The following CREB5 variants were observed in gnomAD, a reference collection of about 807,000 sequenced individuals.
The protein encoded by CREB5 is cAMP responsive element binding protein 5.
Under a neutral mutation model 57.1 loss-of-function variants are expected in CREB5, and 19 were observed. The ratio of observed to expected loss-of-function variants is 0.33; its 90% CI spans 0.23 to 0.49. The LOEUF is 0.49. CREB5 is among the 20% of genes least tolerant of loss of function. The pLI is 0.99. For synonymous variants in CREB5, 238 were observed against 238.3 expected (o/e 1.00, Z 0.01); for missense variants, 579 against 671.6 (o/e 0.86, Z 1.52).
intron 5 of CREB5, among the ~76,000 whole-genome samples, chr7:28,718,209 G>C (rs1300608039): frequency 6.6e-6 from 1 of 152,152 alleles, no homozygotes; most frequent in East Asian, 1.9e-4. Context: ...CGGCTTCTTT[G>C]GTTTGTTTTT....
chr7:28,346,244 G>C (rs1040815901), intron 1 of CREB5, among the ~76,000 whole-genome samples: 2 of 152,352 alleles, frequency 1.3e-5, no homozygotes, highest in Middle Eastern at 3.4e-3. Context: ...ATAAACAACA[G>C]ACATTTATTT....
intron 7 of CREB5, among the ~76,000 whole-genome samples, chr7:28,724,951 A>G (rs961106514): frequency 6.6e-6 from 1 of 152,242 alleles, no homozygotes; most frequent in Non-Finnish European, 1.5e-5. Flanking sequence ...ATATTCTACC[A>G]AATATTAGCA....
rs539573969 is a variant in CREB5 at position 28,512,387 on chromosome 7, G to A, written c.291+4650G>A. Among the ~76,000 whole-genome samples the A allele has an allele frequency of 1.1e-4, 16 of 152,290 alleles. No individual in the cohort carries two copies. In the South Asian group the frequency reaches 2.1e-3, roughly 20 times the overall value. On this transcript the variant is annotated intron_variant, in intron 4 of 10. Transcript: ENST00000357727. ...GACACAGAGGATTGCACTCCCCTCC[G>A]TGGTCAGAGACGACGCAGGAGACCA... is the stretch of plus-strand genomic sequence containing the variant.
chr7:28,534,675 A>G (rs1274359401), intron 4 of CREB5, among the ~76,000 whole-genome samples: 2 of 143,770 alleles, frequency 1.4e-5, no homozygotes, highest in African/African-American at 5.1e-5. Flanking sequence ...ACTTTCCTTC[A>G]CTTATGCTTG....
rs554926584 is a variant in CREB5, at chr7:28,340,666, C to T, written c.-25+41225C>T. Among the ~76,000 whole-genome samples the T allele has an allele frequency of 3.2e-4, 48 of 152,316 alleles. 1 individual carries two copies. The highest frequency in any genetic ancestry group is 6.8e-3 in the Middle Eastern group (2 of 294). On this transcript the variant is annotated intron_variant, in intron 1 of 9. Coordinates refer to the CREB5 transcript ENST00000396299. ...TATCTCACTAAGTCGTGTGTCCCCA[C>T]AAGTCCACTGGCTCTGAGCCCAGCA...
At chr7:28,658,387 C>T (rs1444554787) in intron 5 of CREB5, among the ~76,000 whole-genome samples, 1 of 152,162 alleles carries the variant, frequency 6.6e-6, no homozygotes, top group Non-Finnish European at 1.5e-5. Context: ...TTTGAGTGTT[C>T]ATTTTGCTTT....
chr7:28,729,326 C>T (rs1420751123), intron 7 of CREB5, among the ~76,000 whole-genome samples: 1 of 152,206 alleles, frequency 6.6e-6, no homozygotes, highest in Non-Finnish European at 1.5e-5. Context: ...TGTGATTTCT[C>T]TGTCAGCTGC....
intron 5 of CREB5, among the ~76,000 whole-genome samples, chr7:28,667,553 G>T (rs1276738688): frequency 1.3e-5 from 2 of 151,378 alleles, no homozygotes; most frequent in Non-Finnish European, 2.9e-5. Flanking sequence ...CTTTGGGATG[G>T]GAATCATTCT....
chr7:28,802,677 T>C (rs949173837), intron 7 of CREB5, among the ~76,000 whole-genome samples: 2 of 152,252 alleles, frequency 1.3e-5, no homozygotes, highest in African/African-American at 4.8e-5. Flanking sequence ...CCTCGGGATA[T>C]GATGATAATT....
chr7:28,468,585 T>C (rs1393385024), intron 1 of CREB5, among the ~76,000 whole-genome samples: 1 of 152,180 alleles, frequency 6.6e-6, no homozygotes, highest in Non-Finnish European at 1.5e-5. Context: ...GCATTTCTAG[T>C]TCTCCTTTGT....
At chr7:28,423,163 C>A (rs772124927) in intron 1 of CREB5, among the ~76,000 whole-genome samples, 5 of 152,184 alleles carry the variant, frequency 3.3e-5, no homozygotes, top group Admixed American at 6.5e-5. Flanking sequence ...ACCAAGTGTG[C>A]TCTTTGTTAC....
At chr7:28,475,037 A>G (rs1166517331) in intron 1 of CREB5, among the ~76,000 whole-genome samples, 4 of 152,032 alleles carry the variant, frequency 2.6e-5, no homozygotes, top group Admixed American at 6.6e-5. Flanking sequence ...ACATATATAA[A>G]CCTTTCTGCA....
intron 1 of CREB5, among the ~76,000 whole-genome samples, chr7:28,445,706 C>T (rs530422682): frequency 3.0e-4 from 45 of 152,144 alleles, no homozygotes; most frequent in Admixed American, 7.2e-4. Context: ...CGCCCGCCAC[C>T]ACGCCTGGCT....
chr7:28,519,116 G>A (rs1241821935), intron 4 of CREB5, among the ~76,000 whole-genome samples: 6 of 152,146 alleles, frequency 3.9e-5, no homozygotes, highest in South Asian at 4.1e-4. Flanking sequence ...CAAACTCCAC[G>A]TTCACAGAGA....
chr7:28,488,372 C>T (rs1045912389), intron 2 of CREB5, 126 bp downstream of exon 2: 1 of 713,378 alleles, frequency 1.4e-6, no homozygotes, highest in African/African-American at 1.8e-5. Context: ...CAAAGTCCCC[C>T]TCCCCATCAG....
chr7:28,614,351 T>C (rs570787244), intron 5 of CREB5, among the ~76,000 whole-genome samples: 81 of 152,334 alleles, frequency 5.3e-4, no homozygotes, highest in African/African-American at 1.8e-3. Flanking sequence ...TTTAATGACA[T>C]TGCAAAATGT....
intron 1 of CREB5, among the ~76,000 whole-genome samples, chr7:28,350,588 A>G (rs1309806219): frequency 6.6e-6 from 1 of 151,982 alleles, no homozygotes; most frequent in Non-Finnish European, 1.5e-5. Flanking sequence ...ACAAAAAACA[A>G]ACAAACAAAC....
intron 1 of CREB5, among the ~76,000 whole-genome samples, chr7:28,441,599 T>C (rs1789185774): frequency 6.6e-6 from 1 of 152,200 alleles, no homozygotes; most frequent in Non-Finnish European, 1.5e-5. Flanking sequence ...AAAAAAATAA[T>C]AAATACTCAG....
chr7:28,441,668 T>C (rs1426424009), intron 1 of CREB5, among the ~76,000 whole-genome samples: 1 of 152,212 alleles, frequency 6.6e-6, no homozygotes, highest in Non-Finnish European at 1.5e-5. Flanking sequence ...TAAGTTACCA[T>C]CATGTTTAAT....
Sources: gnomAD v4.1 joint callset for allele counts (sites outside exome capture counted in the v4.1 genomes callset) on GRCh38, gnomAD v4.1.1 for gene constraint, MANE v1.5 for transcripts, NCBI Gene and HGNC (gene_info 2026-07-23, HGNC 2026-07-21) for gene names.